Variants in GPC3 observed in about 807,000 individuals in gnomAD.
GPC3 encodes the protein glypican-3.
Under a neutral mutation model 34.4 loss-of-function variants are expected in GPC3, and 3 were observed. That is an observed-to-expected ratio of 0.09 (90% confidence interval 0.04 to 0.23). The LOEUF is 0.23. GPC3 is among the 10% of genes least tolerant of loss of function. GPC3 has a pLI of 1.00. For synonymous variants in GPC3, 177 were observed against 174.0 expected, an observed-to-expected ratio of 1.02 and a Z score of -0.13; for missense variants, 351 against 445.6, an observed-to-expected ratio of 0.79 and a Z score of 1.91.
At chrX:133,779,859 T>C (rs2072027755) in intron 2 of GPC3, among the ~76,000 whole-genome samples, 1 of 111,675 alleles carries the variant, frequency 9.0e-6, no homozygotes, top group Admixed American at 9.5e-5. Context: ...GCTACAATCC[T>C]TGCCCAGGCA....
chrX:133,648,295 G>T, intron 6 of GPC3, among the ~76,000 whole-genome samples: 1 of 103,935 alleles, frequency 9.6e-6, no homozygotes, highest in African/African-American at 3.6e-5. Flanking sequence ...TTTATTTGTA[G>T]CTCATCAGTT....
intron 7 of GPC3, among the ~76,000 whole-genome samples, chrX:133,563,345 GTAGCTGGGAC>G (rs1316629519): frequency 3.6e-5 from 4 of 111,499 alleles, no homozygotes; most frequent in Non-Finnish European, 7.5e-5. Context: ...ATCTTCCTGA[GTAGCTGGGAC>G]TAGGCCTTAG....
At chrX:133,789,830 C>T (rs1465912586) in intron 2 of GPC3, among the ~76,000 whole-genome samples, 2 of 112,586 alleles carry the variant, frequency 1.8e-5, no homozygotes, top group Non-Finnish European at 3.8e-5. Flanking sequence ...AAGTGGTAAA[C>T]GAGAGCAGAG....
intron 5 of GPC3, among the ~76,000 whole-genome samples, chrX:133,680,862 G>A (rs1241232041): frequency 8.9e-6 from 1 of 111,858 alleles, no homozygotes; most frequent in Non-Finnish European, 1.9e-5. Flanking sequence ...AAGAAGGCCA[G>A]CCTAGCGCAC....
chrX:133,551,033 T>C (rs748937548), intron 7 of GPC3, among the ~76,000 whole-genome samples: 2 of 110,852 alleles, frequency 1.8e-5, no homozygotes, highest in East Asian at 2.9e-4. Flanking sequence ...GGAAACAGGG[T>C]TTTTGATGAG....
intron 4 of GPC3, among the ~76,000 whole-genome samples, chrX:133,694,804 C>G (rs1477128323): frequency 9.2e-6 from 1 of 108,784 alleles, no homozygotes; most frequent in African/African-American, 3.3e-5. Context: ...TTCTCCCAAC[C>G]CTTGCAGTTT....
At chrX:133,551,972 A>G (rs2069437475) in intron 7 of GPC3, among the ~76,000 whole-genome samples, 1 of 112,552 alleles carries the variant, frequency 8.9e-6, no homozygotes, top group Non-Finnish European at 1.9e-5. Flanking sequence ...TCTTTCCCCT[A>G]AGGGGAAAAT....
At chrX:133,842,385 TATAC>T (rs2075829649) in intron 2 of GPC3, among the ~76,000 whole-genome samples, 1 of 107,581 alleles carries the variant, frequency 9.3e-6, no homozygotes, top group Non-Finnish European at 1.9e-5. Context: ...TATTATATTA[TATAC>T]ATAATGTATT....
chrX:133,814,645 G>A (rs1283764024), intron 2 of GPC3, among the ~76,000 whole-genome samples: 3 of 110,624 alleles, frequency 2.7e-5, no homozygotes, highest in Non-Finnish European at 5.7e-5. Context: ...TCGGCTCACT[G>A]CAACCTCCGC....
intron 2 of GPC3, among the ~76,000 whole-genome samples, chrX:133,873,088 T>G (rs1277458283): frequency 8.9e-6 from 1 of 112,059 alleles, no homozygotes; most frequent in Non-Finnish European, 1.9e-5. Context: ...ACTAAGAAGT[T>G]TTTATACCCT....
At chrX:133,808,429 T>C (rs1212281296) in intron 2 of GPC3, among the ~76,000 whole-genome samples, 1 of 112,381 alleles carries the variant, frequency 8.9e-6, no homozygotes, top group Non-Finnish European at 1.9e-5. Flanking sequence ...CTTAGAATGC[T>C]TTCTAAATAG....
rs758297264 is a variant in GPC3, at chrX:133,536,075, G to T, written c.*49C>A. 4.3e-5 allele frequency: 45 copies of T among 1,035,568 alleles called. No homozygotes were observed. The highest frequency in any genetic ancestry group is 5.8e-5 in the Non-Finnish European group (43 of 742,215). 85.3% of individuals were successfully genotyped at this position (1,035,568 alleles called of 1,213,427 possible). Reference sequence around the variant, plus strand: ...TAAGAAAGTGGTTCCCTTTATCGAGGAAGACCACAGGGTGCTGTAGGGCAG... The same window carrying T: ...TAAGAAAGTGGTTCCCTTTATCGAGTAAGACCACAGGGTGCTGTAGGGCAG... On this transcript the variant is annotated 3_prime_UTR_variant, in exon 8 of 8. Transcript: ENST00000370818.
At chrX:133,566,721 G>C (rs1380119523) in intron 7 of GPC3, among the ~76,000 whole-genome samples, 1 of 111,308 alleles carries the variant, frequency 9.0e-6, no homozygotes, top group South Asian at 3.8e-4. Flanking sequence ...TATGGCCCCA[G>C]GTATCTTCCT....
At chrX:133,692,189 C>T (rs763123266) in intron 5 of GPC3, among the ~76,000 whole-genome samples, 180 bp downstream of exon 5, 20 of 112,690 alleles carry the variant, frequency 1.8e-4, no homozygotes, top group Non-Finnish European at 3.2e-4. Context: ...AGGTGATCTG[C>T]CCACCTCAGC....
intron 2 of GPC3, among the ~76,000 whole-genome samples, chrX:133,787,780 T>C (rs1429940790): frequency 9.0e-6 from 1 of 110,876 alleles, no homozygotes; most frequent in Non-Finnish European, 1.9e-5. Context: ...CGTCCACACC[T>C]GTAAAATGTG....
intron 2 of GPC3, among the ~76,000 whole-genome samples, chrX:133,859,291 C>A (rs2075924109): frequency 9.0e-6 from 1 of 110,577 alleles, no homozygotes; most frequent in African/African-American, 3.3e-5. Context: ...ACTTTCCCAA[C>A]CATACAGGGG....
chrX:133,694,838 T>G (rs2071099524), intron 4 of GPC3, among the ~76,000 whole-genome samples: 1 of 110,153 alleles, frequency 9.1e-6, no homozygotes, highest in Non-Finnish European at 1.9e-5. Flanking sequence ...TAAAGATTAT[T>G]GACAATTTGA....
At chrX:133,551,522 C>T (rs1172831830) in intron 7 of GPC3, among the ~76,000 whole-genome samples, 1 of 111,398 alleles carries the variant, frequency 9.0e-6, no homozygotes, top group Non-Finnish European at 1.9e-5. Flanking sequence ...ATTCCCTTCT[C>T]TTCTGTCTAG....
intron 6 of GPC3, among the ~76,000 whole-genome samples, chrX:133,629,003 A>G (rs778602617): frequency 8.0e-5 from 9 of 112,224 alleles, no homozygotes; most frequent in South Asian, 3.7e-4. Flanking sequence ...GTTACATTAC[A>G]CTTGTAATAT....
Sources: gnomAD v4.1 joint callset for allele counts (sites outside exome capture counted in the v4.1 genomes callset) on GRCh38, gnomAD v4.1.1 for gene constraint, MANE v1.5 for transcripts, NCBI Gene and HGNC (gene_info 2026-07-23, HGNC 2026-07-21) for gene names.